The following ADAM18 variants were observed in gnomAD, a reference collection of about 807,000 sequenced individuals.
ADAM18 encodes the protein ADAM metallopeptidase domain 18, also known as disintegrin and metalloproteinase domain-containing protein 18.
ADAM18 carries 117 observed loss-of-function variants against 94.4 expected under a neutral mutation model. The observed-to-expected ratio is 1.24, with a 90% CI of 1.07 to 1.45. The LOEUF (loss-of-function observed/expected upper bound fraction) is 1.45, where lower values mean the gene tolerates loss of function less well. Among genes scored for constraint, ADAM18 ranks in the 40% most tolerant of loss-of-function variants. ADAM18 has a pLI of 0.00. For missense variants in ADAM18, 936 were observed against 880.0 expected, an observed-to-expected ratio of 1.06 and a Z score of -0.81; for synonymous variants, 327 against 291.6, an observed-to-expected ratio of 1.12 and a Z score of -1.24.
At chr8:39,607,283 G>A (rs866132078) in intron 3 of ADAM18, among the ~76,000 whole-genome samples, 2 of 152,034 alleles carry the variant, frequency 1.3e-5, no homozygotes, top group African/African-American at 4.8e-5. Flanking sequence ...ACAACTCCAA[G>A]CAACAATCTA....
chr8:39,714,053 A>G lies in ADAM18; in HGVS notation c.2017+7149A>G, dbSNP rs925440295. 1.5e-4 allele frequency among the ~76,000 whole-genome samples: 23 copies of G among 152,220 alleles called. 1 individual carries two copies. The highest frequency in any genetic ancestry group is 1.1e-3 in the Admixed American group (17 of 15,286). On this transcript the variant is annotated intron_variant, in intron 18 of 19. Transcript: ENST00000265707. ...TTGGAACCAACCCAAATGTCCATCA[A>G]TGATAGACTGGATTAAGAAACCGTG...
At chr8:39,666,777 C>T (rs879905582) in intron 13 of ADAM18, among the ~76,000 whole-genome samples, 1 of 152,186 alleles carries the variant, frequency 6.6e-6, no homozygotes. Flanking sequence ...AATTATCTCC[C>T]ACCGGGTGCC....
At chr8:39,717,682 C>G (rs1822618320) in intron 18 of ADAM18, among the ~76,000 whole-genome samples, 1 of 151,546 alleles carries the variant, frequency 6.6e-6, no homozygotes, top group African/African-American at 2.4e-5. Flanking sequence ...AGAAAAGATT[C>G]ATTACATTGA....
chr8:39,625,846 A>C (rs996840116), intron 6 of ADAM18, among the ~76,000 whole-genome samples: 1 of 152,152 alleles, frequency 6.6e-6, no homozygotes, highest in Non-Finnish European at 1.5e-5. Flanking sequence ...ATAGTGATCC[A>C]TCCCTCCTGC....
chr8:39,645,212 ATTG>A, intron 10 of ADAM18, 123 bp from the exon 11 acceptor site: 3 of 784,528 alleles, frequency 3.8e-6, no homozygotes, highest in Non-Finnish European at 5.8e-6. Context: ...TACCAAAATA[ATTG>A]TTGTGAAGTA....
rs556301464 is a variant in ADAM18 at position 39,620,538 on chromosome 8, C to A, written c.523-8836C>A. 2.1e-5 allele frequency among the ~76,000 whole-genome samples: 3 copies of A among 145,630 alleles called. No homozygotes were observed. The Admixed American group carries it at 2.1e-4, about 10-fold the overall frequency. On this transcript the variant is annotated intron_variant, in intron 6 of 19. Transcript: ENST00000265707. Reference sequence around the variant, plus strand: ...TCTCAAAAGAACACATACAAGTAGCCAACTGTTATATTAAAAATATAATAA... The same window carrying A: ...TCTCAAAAGAACACATACAAGTAGCAAACTGTTATATTAAAAATATAATAA...
At chr8:39,594,756 G>A (rs1170804226) in intron 2 of ADAM18, among the ~76,000 whole-genome samples, 1 of 99,340 alleles carries the variant, frequency 1.0e-5, no homozygotes, top group Non-Finnish European at 2.1e-5. Flanking sequence ...ATTTCCTTTA[G>A]TTTTCAGAAA....
At chr8:39,662,734 C>G (rs1820874111) in intron 12 of ADAM18, among the ~76,000 whole-genome samples, 1 of 152,184 alleles carries the variant, frequency 6.6e-6, no homozygotes. Flanking sequence ...AAGCGAGTCT[C>G]TTGCCTCAGC....
At chr8:39,601,253 C>G (rs565138270) in intron 2 of ADAM18, among the ~76,000 whole-genome samples, 2 of 152,328 alleles carry the variant, frequency 1.3e-5, no homozygotes, top group South Asian at 4.1e-4. Flanking sequence ...GACACAGACC[C>G]AAAACATATC....
chr8:39,651,452 G>A (rs535154119), intron 12 of ADAM18, among the ~76,000 whole-genome samples: 1 of 152,338 alleles, frequency 6.6e-6, no homozygotes, highest in Admixed American at 6.5e-5. Context: ...CCTAGGCAGA[G>A]GTCCCTGCGG....
At chr8:39,717,842 A>G (rs1327859628) in intron 18 of ADAM18, among the ~76,000 whole-genome samples, 1 of 151,666 alleles carries the variant, frequency 6.6e-6, no homozygotes, top group East Asian at 1.9e-4. Flanking sequence ...ATATATAAGA[A>G]TATATAAGAA....
At chr8:39,657,801 G>T (rs557256082) in intron 12 of ADAM18, among the ~76,000 whole-genome samples, 1 of 152,058 alleles carries the variant, frequency 6.6e-6, no homozygotes, top group Non-Finnish European at 1.5e-5. Context: ...TGAAAAAGAC[G>T]TGAAAGAACA....
chr8:39,723,284 C>T (rs79617605), intron 18 of ADAM18, among the ~76,000 whole-genome samples: 2,480 of 151,132 alleles, frequency 0.016, 30 homozygotes, highest in Non-Finnish European at 0.027. Flanking sequence ...GATATAGATG[C>T]GGATACAAGT....
chr8:39,689,639 C>A (rs1563307851), intron 16 of ADAM18, among the ~76,000 whole-genome samples: 1 of 152,156 alleles, frequency 6.6e-6, no homozygotes, highest in Non-Finnish European at 1.5e-5. Context: ...ATGCTTCCAG[C>A]TTTGTTCGCT....
chr8:39,669,481 C>T (rs1237092703), intron 14 of ADAM18, among the ~76,000 whole-genome samples: 1 of 104,926 alleles, frequency 9.5e-6, no homozygotes, highest in Non-Finnish European at 1.8e-5. Flanking sequence ...CACCCCACAA[C>T]AGTCCCCAGT....
intron 2 of ADAM18, among the ~76,000 whole-genome samples, chr8:39,597,979 A>C (rs1405924616): frequency 1.3e-5 from 2 of 152,102 alleles, no homozygotes; most frequent in Non-Finnish European, 2.9e-5. Flanking sequence ...TCTCATGTAG[A>C]TGTTGTACAT....
chr8:39,594,023 A>G (rs1288601684), intron 2 of ADAM18, among the ~76,000 whole-genome samples: 5 of 152,104 alleles, frequency 3.3e-5, no homozygotes, highest in Admixed American at 2.0e-4. Context: ...TACATCTACC[A>G]AGTAATTTTT....
chr8:39,665,055 C>T (rs1017894228), intron 13 of ADAM18, among the ~76,000 whole-genome samples: 2 of 152,122 alleles, frequency 1.3e-5, no homozygotes, highest in African/African-American at 4.8e-5. Flanking sequence ...GTGATGTCAT[C>T]ACTCCTCTCT....
chr8:39,669,772 C>G (rs1414348854), intron 14 of ADAM18, among the ~76,000 whole-genome samples: 1 of 152,132 alleles, frequency 6.6e-6, no homozygotes, highest in African/African-American at 2.4e-5. Context: ...CCACTATAAA[C>G]ATGCGTGTGC....
Sources: allele counts gnomAD v4.1 joint callset (sites outside exome capture counted in the v4.1 genomes callset), GRCh38; gene constraint gnomAD v4.1.1; transcripts MANE v1.5; gene names NCBI Gene and HGNC (gene_info 2026-07-23, HGNC 2026-07-21).